SEM1: variants seen among roughly 807,000 people sequenced by gnomAD.
The protein encoded by SEM1 is SEM1 26S proteasome subunit.
Under a neutral mutation model 12.7 loss-of-function variants are expected in SEM1, and 3 were observed. That is an observed-to-expected ratio of 0.24 (90% CI 0.11 to 0.61). The LOEUF is 0.61. Among genes scored for constraint, SEM1 ranks in the 20% least tolerant of loss-of-function variants. The probability of loss-of-function intolerance (pLI) is 0.88; values close to 1 mark genes in which losing one functional copy is unlikely to be tolerated. For synonymous variants in SEM1, 30 were observed against 27.8 expected, an observed-to-expected ratio of 1.08 and a Z score of -0.25; for missense variants, 59 against 81.3, an observed-to-expected ratio of 0.73 and a Z score of 1.06.
intron 2 of SEM1, among the ~76,000 whole-genome samples, chr7:96,639,132 T>G (rs1808515879): frequency 1.3e-5 from 2 of 152,002 alleles, no homozygotes; most frequent in Admixed American, 6.6e-5. Flanking sequence ...TACTGCAGAG[T>G]TATCTCATGT....
chr7:96,586,086 G>T (rs933491125), intron 2 of SEM1, among the ~76,000 whole-genome samples: 4 of 152,072 alleles, frequency 2.6e-5, no homozygotes, highest in African/African-American at 9.7e-5. Context: ...TGATCCTCTC[G>T]CCTTGGCCTC....
downstream of SEM1, chr7:96,672,813 C>A (rs1271034136): frequency 6.6e-6 from 1 of 152,192 alleles, no homozygotes; most frequent in African/African-American, 2.4e-5. Context: ...TCCTTCCTGG[C>A]CAACACAAAG....
intron 2 of SEM1, among the ~76,000 whole-genome samples, chr7:96,635,010 C>T (rs1808386755): frequency 6.6e-6 from 1 of 151,952 alleles, no homozygotes; most frequent in Admixed American, 6.6e-5. Flanking sequence ...ATGGAAATGG[C>T]CAACCCAGAC....
chr7:96,556,292 T>C (rs1036762521), intron 2 of SEM1, among the ~76,000 whole-genome samples: 1 of 151,808 alleles, frequency 6.6e-6, no homozygotes, highest in South Asian at 2.1e-4. Context: ...GTCTCAATGG[T>C]CTTTACATTT....
intron 2 of SEM1, among the ~76,000 whole-genome samples, chr7:96,612,877 C>T (rs375416899): frequency 1.4e-4 from 21 of 152,258 alleles, no homozygotes; most frequent in Admixed American, 9.8e-4. Flanking sequence ...ACTCATGATC[C>T]GCCTGCCTCG....
chr7:96,535,993 G>A (rs1034967154), intron 2 of SEM1, among the ~76,000 whole-genome samples: 25 of 151,800 alleles, frequency 1.6e-4, no homozygotes, highest in African/African-American at 6.0e-4. Context: ...GGATTTCCGG[G>A]TCAGATGGTA....
At chr7:96,577,115 CA>C (rs34984231) in intron 2 of SEM1, among the ~76,000 whole-genome samples, 129,778 of 147,026 alleles carry the variant, frequency 0.88, 57,551 homozygotes, top group Middle Eastern at 0.97. Context: ...AAAACTCTGT[CA>C]AAAAAAAAAA....
At chr7:96,622,734 A>G (rs1160172425) in intron 2 of SEM1, 6 of 701,972 alleles carry the variant, frequency 8.5e-6, no homozygotes, top group African/African-American at 3.5e-5. Flanking sequence ...TGGAAAAGCC[A>G]TGTAGATCAT....
intron 2 of SEM1, among the ~76,000 whole-genome samples, chr7:96,506,991 A>G (rs1009843530): frequency 1.3e-5 from 2 of 152,080 alleles, no homozygotes; most frequent in Non-Finnish European, 2.9e-5. Flanking sequence ...TAGGAAGAGA[A>G]AGAAATGAGA....
intron 2 of SEM1, among the ~76,000 whole-genome samples, chr7:96,677,996 T>G (rs1789500091): frequency 6.6e-6 from 1 of 152,216 alleles, no homozygotes; most frequent in Admixed American, 6.6e-5. Flanking sequence ...ACTAACAGAC[T>G]ACTTTCAGTG....
chr7:96,683,532 G>T (rs1343443125), intron 2 of SEM1, among the ~76,000 whole-genome samples: 1 of 152,164 alleles, frequency 6.6e-6, no homozygotes, highest in East Asian at 1.9e-4. Flanking sequence ...TCCCATTACT[G>T]GGTATATACC....
At chr7:96,550,947 T>C (rs555865565) in intron 2 of SEM1, among the ~76,000 whole-genome samples, 2 of 152,324 alleles carry the variant, frequency 1.3e-5, no homozygotes, top group East Asian at 3.9e-4. Flanking sequence ...CTTGCACTAA[T>C]ATTCATTCAG....
At chr7:96,673,997 C>A in intron 2 of SEM1, 1 of 618,396 alleles carries the variant, frequency 1.6e-6, no homozygotes, top group South Asian at 1.9e-5. Context: ...CCATCTCTAC[C>A]TCCCCTCTCC....
chr7:96,700,134 T>C (rs1790225022), intron 1 of SEM1, among the ~76,000 whole-genome samples: 1 of 152,218 alleles, frequency 6.6e-6, no homozygotes. Context: ...CCATTCTCTC[T>C]GTACTTTTCA....
intron 2 of SEM1, among the ~76,000 whole-genome samples, chr7:96,529,426 T>C (rs1391036404): frequency 6.6e-6 from 1 of 152,188 alleles, no homozygotes; most frequent in African/African-American, 2.4e-5. Context: ...TGCTGGATCA[T>C]AGTTACAAAG....
intron 2 of SEM1, among the ~76,000 whole-genome samples, chr7:96,518,961 C>T (rs913010603): frequency 6.6e-6 from 1 of 152,140 alleles, no homozygotes; most frequent in African/African-American, 2.4e-5. Flanking sequence ...CTTACTTTAA[C>T]CCAGTGATAT....
At chr7:96,487,069 C>CAAT (rs1802800584) in intron 1 of SEM1, among the ~76,000 whole-genome samples, 10 of 150,694 alleles carry the variant, frequency 6.6e-5, no homozygotes, top group African/African-American at 2.2e-4. Flanking sequence ...AGAGTCCAAG[C>CAAT]CTGGTAAAAA....
intron 2 of SEM1, among the ~76,000 whole-genome samples, chr7:96,553,854 A>G: frequency 6.6e-6 from 1 of 152,104 alleles, no homozygotes; most frequent in East Asian, 1.9e-4. Context: ...ACTTGTTTGT[A>G]TCCTCTTTTA....
At chr7:96,498,392 C>T (rs1472319234), upstream of SEM1, among the ~76,000 whole-genome samples, 1 of 152,098 alleles carries the variant, frequency 6.6e-6, no homozygotes, top group Non-Finnish European at 1.5e-5. Flanking sequence ...TAAGTGTGCA[C>T]ACACACGCAT....
Sources: gnomAD v4.1 joint callset for allele counts (sites outside exome capture counted in the v4.1 genomes callset) on GRCh38, gnomAD v4.1.1 for gene constraint, MANE v1.5 for transcripts, NCBI Gene and HGNC (gene_info 2026-07-23, HGNC 2026-07-21) for gene names.